The following TTC38 variants were observed in gnomAD, a reference collection of about 807,000 sequenced individuals.
TTC38 encodes tetratricopeptide repeat protein 38.
TTC38 carries 64 observed loss-of-function variants against 64.2 expected under a neutral mutation model. The ratio of observed to expected loss-of-function variants is 1.00; its 90% CI spans 0.81 to 1.23. The LOEUF (loss-of-function observed/expected upper bound fraction) is 1.23, where lower values mean the gene tolerates loss of function less well. Ranked by LOEUF, TTC38 falls within the 50% of genes most tolerant of loss-of-function variation. The probability of loss-of-function intolerance (pLI) is 0.00; values close to 1 mark genes in which losing one functional copy is unlikely to be tolerated. For synonymous variants in TTC38, 254 were observed against 249.3 expected (o/e 1.02, Z -0.18); for missense variants, 573 against 615.5 (o/e 0.93, Z 0.73).
In TTC38 at chr22:46,272,043, G is replaced by C. The variant is rs991099905; in HGVS notation, c.112-292G>C. Among the ~76,000 whole-genome samples the C allele has an allele frequency of 5.9e-5, 9 of 152,160 alleles. No homozygotes were observed. The highest frequency in any genetic ancestry group is 5.9e-4 in the Admixed American group (9 of 15,272). On this transcript the variant is annotated intron_variant, in intron 2 of 13. Coordinates refer to ENST00000381031, the MANE Select transcript of TTC38 (RefSeq NM_017931.4). This position sits in a 1 kb window ranked among gnomAD's most constrained non-coding sequence, Gnocchi z 6.4. ...GTCTCTCTCTGCCATCCAGGCTGGAGTGCAGTGGCACAATCTTGGCTCATT... is the reference window on the plus strand; with the variant it reads ...GTCTCTCTCTGCCATCCAGGCTGGACTGCAGTGGCACAATCTTGGCTCATT...
chr22:46,285,463 G>A (rs1400863685), intron 9 of TTC38, among the ~76,000 whole-genome samples, 184 bp downstream of exon 9: 2 of 152,274 alleles, frequency 1.3e-5, no homozygotes, highest in Admixed American at 6.5e-5. Context: ...CCCTGCCTAT[G>A]ATGGGGACAG....
intron 12 of TTC38, 44 bp from the exon 13 acceptor site, chr22:46,289,782 C>A: frequency 6.2e-7 from 1 of 1,600,334 alleles, no homozygotes; most frequent in Non-Finnish European, 8.6e-7. Context: ...TCGCCTCCCC[C>A]ATCCTGAGGT....
rs371290105 is a variant in TTC38 at position 46,272,426 on chromosome 22, G to T, written c.193+10G>T. The stretch of plus-strand genomic sequence containing the variant: ...GCAGATCCAACCTTTGGTGAGTAAC[G>T]CCTTCCCTGGGTGGAGGAGCCCCGC... On this transcript the variant is annotated intron_variant, in intron 3 of 13. Coordinates refer to ENST00000381031, the MANE Select transcript of TTC38 (RefSeq NM_017931.4). The surrounding 1 kb of genome is among the most constrained non-coding windows in gnomAD (Gnocchi z 6.4). 6 of 1,609,982 alleles carry T rather than the reference G, an allele frequency of 3.7e-6. No individual in the cohort carries two copies. The highest frequency in any genetic ancestry group is 5.1e-6 in the Non-Finnish European group (6 of 1,176,550).
Position 46,272,350 on chromosome 22 carries a change from A to G in TTC38, c.127A>G (p.Asn43Asp). ...ATLTQYVKWT[N>D]DKSLGGIEGC... ...CCCATTTCAGTATGTAAAATGGACC[A>G]ATGACAAGAGTCTCGGTGGCATCGA... is the stretch of plus-strand genomic sequence containing the variant. Residue 43 changes from asparagine (N) to aspartate (D), a missense_variant, in exon 3 of 14, where the codon AAT becomes GAT. Physicochemically the swap from Asn to Asp is conservative, Grantham distance 23. Coordinates refer to ENST00000381031, the MANE Select transcript of TTC38 (RefSeq NM_017931.4). This position sits in a 1 kb window ranked among gnomAD's most constrained non-coding sequence, Gnocchi z 6.4. 2 of 1,613,264 alleles carry G rather than the reference A, an allele frequency of 1.2e-6. No homozygotes were observed. Among genetic ancestry groups the G allele is most frequent in the South Asian group, 1.1e-5 (1 of 91,034 alleles).
rs77411517 is a variant in TTC38, at chr22:46,288,992, G to A, written c.1082+404G>A. Among the ~76,000 whole-genome samples the A allele has an allele frequency of 8.6e-3, 1,309 of 152,350 alleles. 10 individuals are homozygous for A. Among genetic ancestry groups the A allele is most frequent in the Non-Finnish European group, 0.013 (870 of 68,034 alleles). On this transcript the variant is annotated intron_variant, in intron 11 of 13. Transcript: ENST00000381031. ...TCAGTTTCCCCATCTAAATCAGGGCGATGCCTGGCAAGAGCTGGTGAGGGC... is the reference window on the plus strand; with the variant it reads ...TCAGTTTCCCCATCTAAATCAGGGCAATGCCTGGCAAGAGCTGGTGAGGGC...
rs1449991991 is a variant in TTC38, at chr22:46,274,194, T to C, written c.365+125T>C. On this transcript the variant is annotated intron_variant, in intron 4 of 13. Coordinates refer to ENST00000381031, the MANE Select transcript of TTC38 (RefSeq NM_017931.4). This position sits in a 1 kb window ranked among gnomAD's most constrained non-coding sequence, Gnocchi z 4.8. ...GGAGAATGCTTCTCTCCCTGCCTCC[T>C]GAGATGCTCTGATGGAAAATCGCAT... is the stretch of plus-strand genomic sequence containing the variant. 2.4e-6 allele frequency: 2 copies of C among 823,262 alleles called. No homozygotes were observed. The highest frequency in any genetic ancestry group is 5.3e-5 in the Admixed American group (2 of 38,088). The allele number at this position is 823,262 out of a possible 1,614,324, so 51.0% of individuals were successfully genotyped here.
In TTC38 at chr22:46,291,633, T is replaced by A. The variant is rs534551822; in HGVS notation, c.1317-1158T>A. On this transcript the variant is annotated intron_variant, in intron 13 of 13. Coordinates refer to ENST00000381031, the MANE Select transcript of TTC38 (RefSeq NM_017931.4). This position sits in a 1 kb window ranked among gnomAD's most constrained non-coding sequence, Gnocchi z 4.6. ...TGTTTTCAGGTGTTTGGGGGCTGTCTTAGTCAGTTTGGGTTGTTATTTTAA... is the reference window on the plus strand; with the variant it reads ...TGTTTTCAGGTGTTTGGGGGCTGTCATAGTCAGTTTGGGTTGTTATTTTAA... Among the ~76,000 whole-genome samples the A allele has an allele frequency of 1.3e-5, 2 of 152,252 alleles. No individual in the cohort carries two copies. Among genetic ancestry groups the A allele is most frequent in the African/African-American group, 4.8e-5 (2 of 41,552 alleles).
chr22:46,268,176 G>A (rs923932119), intron 1 of TTC38, 104 bp downstream of exon 1: 46 of 1,340,550 alleles, frequency 3.4e-5, no homozygotes, highest in East Asian at 5.3e-5. Flanking sequence ...CGCGGGGCGT[G>A]GGGTGAGCCC....
chr22:46,288,944 G>A (rs2077591714), intron 11 of TTC38, among the ~76,000 whole-genome samples: 4 of 152,210 alleles, frequency 2.6e-5, no homozygotes. Context: ...GGTCCTGGAC[G>A]AGGTGCTTCT....
intron 9 of TTC38, among the ~76,000 whole-genome samples, chr22:46,286,083 C>T (rs1329353952): frequency 6.6e-6 from 1 of 151,532 alleles, no homozygotes; most frequent in Non-Finnish European, 1.5e-5. Context: ...CCATCACCAC[C>T]CTCCATTTTC....
chr22:46,274,735 G>GT lies in TTC38; in HGVS notation c.366-498dup, dbSNP rs61369977. 9.9e-3 allele frequency among the ~76,000 whole-genome samples: 1,431 copies of GT among 144,672 alleles called. 6 individuals are homozygous for GT. The highest frequency in any genetic ancestry group is 0.012 in the Non-Finnish European group (794 of 65,464). The allele number at this position is 144,672 out of a possible 152,430, so 94.9% of individuals were successfully genotyped here. On this transcript the variant is annotated intron_variant, in intron 4 of 13. Transcript: ENST00000381031. The surrounding 1 kb of genome is among the most constrained non-coding windows in gnomAD (Gnocchi z 4.8). Reference sequence around the variant, plus strand: ...TTATCTTTGGCAATTTGTTAAACCAGTTTTTTTTTTTTTTTAAATTGAACT... The same window carrying GT: ...TTATCTTTGGCAATTTGTTAAACCAGTTTTTTTTTTTTTTTTAAATTGAACT...
At position 46,271,228 on chromosome 22, in the gene TTC38, T is replaced by C. The variant is rs1249933498; in HGVS notation, c.112-1107T>C. Among the ~76,000 whole-genome samples the C allele has an allele frequency of 6.6e-6, 1 of 152,122 alleles. No individual in the cohort carries two copies. The highest frequency in any genetic ancestry group is 1.5e-5 in the Non-Finnish European group (1 of 68,014). On this transcript the variant is annotated intron_variant, in intron 2 of 13. Coordinates refer to ENST00000381031, the MANE Select transcript of TTC38 (RefSeq NM_017931.4). This position sits in a 1 kb window ranked among gnomAD's most constrained non-coding sequence, Gnocchi z 5.5. The stretch of plus-strand genomic sequence containing the variant: ...CCTGTCAGGAGGAACCTGCCTTTTC[T>C]TTCTTTTCTTTTTTCTTTTTTTTCT...
intron 12 of TTC38, 59 bp downstream of exon 12, chr22:46,289,620 C>T: frequency 6.5e-7 from 1 of 1,535,694 alleles, no homozygotes; most frequent in Non-Finnish European, 8.8e-7. Flanking sequence ...TCTGGGCGCC[C>T]CGCAGCCCCC....
chr22:46,279,006 G>A (rs545803902), intron 6 of TTC38, among the ~76,000 whole-genome samples: 85 of 152,332 alleles, frequency 5.6e-4, no homozygotes, highest in African/African-American at 1.9e-3. Context: ...GCCTGGCTCC[G>A]GAGCCCACAC....
Position 46,268,592 on chromosome 22 carries a change from G to T in TTC38, c.111+1G>T. On this transcript the variant is annotated splice_donor_variant, in intron 2 of 13. Coordinates refer to ENST00000381031, the MANE Select transcript of TTC38 (RefSeq NM_017931.4). LOFTEE classifies it high-confidence loss of function. ...GCTGTTCGATGCCACGCTGACCCAG[G>T]TATGCCTGCCGAGAGAGGCCGCGGC... 1 of 1,613,850 alleles carries T rather than the reference G, an allele frequency of 6.2e-7. No individual in the cohort carries two copies. The highest frequency in any genetic ancestry group is 8.5e-7 in the Non-Finnish European group (1 of 1,180,034).
Position 46,268,767 on chromosome 22 carries a change from C to T in TTC38, c.111+176C>T, listed in dbSNP as rs1056129769. On this transcript the variant is annotated intron_variant, in intron 2 of 13. Coordinates refer to ENST00000381031, the MANE Select transcript of TTC38 (RefSeq NM_017931.4). ...TGGCGCTATTTCGGCTCACTGCAAGCTTTGCCTCCCGGGTTCACGCCATTC... is the reference window on the plus strand; with the variant it reads ...TGGCGCTATTTCGGCTCACTGCAAGTTTTGCCTCCCGGGTTCACGCCATTC... 7 of 600,706 alleles carry T rather than the reference C, an allele frequency of 1.2e-5. No individual in the cohort carries two copies. In the African/African-American group the frequency reaches 1.3e-4, roughly 11 times the overall value. 37.2% of individuals were successfully genotyped at this position (600,706 alleles called of 1,614,324 possible).
In TTC38 at chr22:46,273,561, G is replaced by A. The variant is rs1245936434; in HGVS notation, c.194-337G>A. On this transcript the variant is annotated intron_variant, in intron 3 of 13. Transcript: ENST00000381031. This position sits in a 1 kb window ranked among gnomAD's most constrained non-coding sequence, Gnocchi z 5.1. ...CATCCACTGATGCCTCCCGGGAGCCGTGTGCTGGCTGTGGCGGTAGTGTCA... is the reference window on the plus strand; with the variant it reads ...CATCCACTGATGCCTCCCGGGAGCCATGTGCTGGCTGTGGCGGTAGTGTCA... 1.3e-5 allele frequency among the ~76,000 whole-genome samples: 2 copies of A among 152,254 alleles called. No homozygotes were observed. The highest frequency in any genetic ancestry group is 4.8e-5 in the African/African-American group (2 of 41,474).
chr22:46,287,083 G>A lies in TTC38; in HGVS notation c.845G>A (p.Ser282Asn). The stretch of plus-strand genomic sequence containing the variant: ...CGCCCTGTCTTCCAGATCCTTCCCA[G>A]CCTGCAGGCCAACGATGCAATGCTG... ...LTIYDTHILP[S>N]LQANDAMLDV... The change falls in exon 10 of 14, where the codon AGC (serine) becomes AAC (asparagine). Residue 282 changes from serine to asparagine, a missense_variant. Ser to Asn is a conservative substitution (Grantham distance 46). This residue lies in a region of TTC38 where 371 missense variants were observed against 381.8 expected (regional missense o/e 0.97). Transcript: ENST00000381031. 6.2e-7 allele frequency: 1 copy of A among 1,601,314 alleles called. No homozygotes were observed. Among genetic ancestry groups the A allele is most frequent in the Non-Finnish European group, 8.5e-7 (1 of 1,175,330 alleles).
At chr22:46,286,495 T>C (rs955756424) in intron 9 of TTC38, among the ~76,000 whole-genome samples, 7 of 151,894 alleles carry the variant, frequency 4.6e-5, no homozygotes, top group Non-Finnish European at 1.0e-4. Flanking sequence ...ATCCCATCTC[T>C]ACTAAAAATA....
Sources: allele counts gnomAD v4.1 joint callset (sites outside exome capture counted in the v4.1 genomes callset), GRCh38; gene constraint gnomAD v4.1.1; regional missense constraint gnomAD v4.1.1; non-coding constraint Gnocchi (gnomAD v3.1); transcripts MANE v1.5; gene names NCBI Gene and HGNC (gene_info 2026-07-23, HGNC 2026-07-21).